Variants in RYR3 observed in about 807,000 individuals in gnomAD.
RYR3 encodes the protein brain ryanodine receptor-calcium release channel.
A neutral mutation model predicts 584.3 loss-of-function variants in RYR3; 207 were observed. The observed-to-expected ratio is 0.35, with a 90% CI of 0.32 to 0.40. The LOEUF (loss-of-function observed/expected upper bound fraction) is 0.40. RYR3 is among the 10% of genes least tolerant of loss of function. The pLI is 1.00. For synonymous variants in RYR3, 2,416 were observed against 2,248.5 expected, an observed-to-expected ratio of 1.07 and a Z score of -2.11; for missense variants, 5,616 against 6,089.2, an observed-to-expected ratio of 0.92 and a Z score of 2.59.
intron 1 of RYR3, among the ~76,000 whole-genome samples, chr15:33,403,639 A>G (rs2042829612): frequency 6.6e-6 from 1 of 152,230 alleles, no homozygotes; most frequent in Non-Finnish European, 1.5e-5. Flanking sequence ...TGTATGATTC[A>G]TTAATCTAAA....
chr15:33,785,603 G>C lies in RYR3; in HGVS notation c.9269-59G>C. 3 of 1,348,312 alleles carry C rather than the reference G, an allele frequency of 2.2e-6. No individual in the cohort carries two copies. In the South Asian group the frequency reaches 4.5e-5, roughly 20 times the overall value. The allele number at this position is 1,348,312 out of a possible 1,614,324, so 83.5% of individuals were successfully genotyped here. A position where few individuals can be genotyped will look rare whatever the true frequency, so the allele number is the denominator to read the frequency against. ...CAAAGGAAAGGAGGGGCAGAGAGAA[G>C]GAAGCTTGCACCCACTGTGCTTTTG... On this transcript the variant is annotated intron_variant, in intron 65 of 103. Transcript: ENST00000634891.
At chr15:33,530,269 G>A (rs531142296) in intron 3 of RYR3, among the ~76,000 whole-genome samples, 2 of 152,300 alleles carry the variant, frequency 1.3e-5, no homozygotes, top group African/African-American at 4.8e-5. Flanking sequence ...ACGCTTCTGA[G>A]AAGTTTCAAA....
At chr15:33,405,583 A>T (rs2042967989) in intron 1 of RYR3, among the ~76,000 whole-genome samples, 1 of 152,256 alleles carries the variant, frequency 6.6e-6, no homozygotes, top group Non-Finnish European at 1.5e-5. Context: ...ATAAAGCATC[A>T]TAGTTTAGTC....
At position 33,794,089 on chromosome 15, in the gene RYR3, TAA is replaced by T. The variant is rs1457699461; in HGVS notation, c.9830+5632_9830+5633del. On this transcript the variant is annotated intron_variant, in intron 67 of 103. Coordinates refer to ENST00000634891, the MANE Select transcript of RYR3 (RefSeq NM_001036.6). ...AAATAAATATATATAAATATATACA[TAA>T]TATATATTATATAAATATAATATAC... 2.3e-4 allele frequency among the ~76,000 whole-genome samples: 29 copies of T among 127,336 alleles called. 1 individual carries two copies. Among genetic ancestry groups the T allele is most frequent in the Non-Finnish European group, 4.0e-4 (25 of 62,664 alleles). 83.5% of individuals were successfully genotyped at this position (127,336 alleles called of 152,430 possible).
intron 1 of RYR3, among the ~76,000 whole-genome samples, chr15:33,457,826 A>AC (rs1421668101): frequency 2.0e-5 from 3 of 152,178 alleles, no homozygotes; most frequent in Non-Finnish European, 4.4e-5. Context: ...ATCACACTCT[A>AC]CCCCACAAAC....
At chr15:33,820,476 A>G (rs539175952) in intron 77 of RYR3, among the ~76,000 whole-genome samples, 9 of 152,336 alleles carry the variant, frequency 5.9e-5, no homozygotes, top group Non-Finnish European at 1.0e-4. Flanking sequence ...ACTAAGGTAG[A>G]AGAGTTCAAG....
chr15:33,613,228 G>A lies in RYR3; in HGVS notation c.2210G>A (p.Arg737Lys). 6.2e-7 allele frequency: 1 copy of A among 1,613,924 alleles called. No homozygotes were observed. Among genetic ancestry groups the A allele is most frequent in the East Asian group, 2.2e-5 (1 of 44,870 alleles). Residue 737 changes from arginine (R) to lysine (K), a missense_variant, in exon 19 of 104, where the codon AGA becomes AAA. Arg to Lys is a conservative substitution (Grantham distance 26, BLOSUM62 2). Around this residue, in one of 9 missense-constraint regions of RYR3, gnomAD observed 1,284 missense variants for 1,344.6 expected, o/e 0.95. Coordinates refer to ENST00000634891, the MANE Select transcript of RYR3 (RefSeq NM_001036.6). ...GCTTCCATCAACCAGCACCTCCTGA[G>A]ATCGGATGACGTGGTAAGCTGCTGC... is the stretch of plus-strand genomic sequence containing the variant. ...AVASINQHLL[R>K]SDDVVSCCLD...
In RYR3 at chr15:33,857,801, C is replaced by T; in HGVS notation, c.14029C>T (p.Leu4677=). 1.2e-6 allele frequency: 2 copies of T among 1,614,104 alleles called. No homozygotes were observed. Among genetic ancestry groups the T allele is most frequent in the Non-Finnish European group, 1.7e-6 (2 of 1,179,954 alleles). Reference sequence around the variant, plus strand: ...CCAGTTGGTTCTGACTGTCGGTCTCCTGGCCGTGGTGGTTTATCTCTATAC... The same window carrying T: ...CCAGTTGGTTCTGACTGTCGGTCTCTTGGCCGTGGTGGTTTATCTCTATAC... ...GKQLVLTVGL[L]AVVVYLYTVV... Residue 4677 remains leucine (L), a synonymous_variant, in exon 99 of 104, where the codon CTG becomes TTG. Coordinates refer to ENST00000634891, the MANE Select transcript of RYR3 (RefSeq NM_001036.6).
At chr15:33,689,148 C>T (rs1436315970) in intron 38 of RYR3, among the ~76,000 whole-genome samples, 1 of 143,844 alleles carries the variant, frequency 7.0e-6, no homozygotes, top group Non-Finnish European at 1.5e-5. Flanking sequence ...TCCATGTTCT[C>T]ACTCATAGGT....
At chr15:33,760,247 G>A (rs529217453) in intron 60 of RYR3, among the ~76,000 whole-genome samples, 12 of 152,260 alleles carry the variant, frequency 7.9e-5, no homozygotes, top group South Asian at 2.1e-4. Context: ...AAAATAACCC[G>A]CTAGCATCAT....
At chr15:33,313,370 A>T (rs1967630264) in intron 1 of RYR3, among the ~76,000 whole-genome samples, 1 of 152,248 alleles carries the variant, frequency 6.6e-6, no homozygotes, top group African/African-American at 2.4e-5. Flanking sequence ...ATATAGTCTT[A>T]AGAATATACC....
chr15:33,449,345 A>G (rs2046921253), intron 1 of RYR3, among the ~76,000 whole-genome samples: 2 of 152,208 alleles, frequency 1.3e-5, no homozygotes, highest in Non-Finnish European at 2.9e-5. Context: ...TGGATTCCAC[A>G]GTGATCAAGC....
At position 33,379,666 on chromosome 15, in the gene RYR3, C is replaced by CCTCTCTCTCTCT. The variant is rs72425368; in HGVS notation, c.51+68581_51+68592dup. 2.6e-4 allele frequency among the ~76,000 whole-genome samples: 34 copies of CCTCTCTCTCTCT among 129,308 alleles called. 1 individual carries two copies. Among genetic ancestry groups the CCTCTCTCTCTCT allele is most frequent in the African/African-American group, 1.0e-3 (30 of 29,786 alleles). The allele number at this position is 129,308 out of a possible 152,430, so 84.8% of individuals were successfully genotyped here. A position where few individuals can be genotyped will look rare whatever the true frequency, so the allele number is the denominator to read the frequency against. The stretch of plus-strand genomic sequence containing the variant: ...GTATGTGTGTGTGTGTGTGTGTGTC[C>CCTCTCTCTCTCT]CTCTCTCTCTCTCTCTCTCTCTATA... On this transcript the variant is annotated intron_variant, in intron 1 of 103. Coordinates refer to ENST00000634891, the MANE Select transcript of RYR3 (RefSeq NM_001036.6).
At chr15:33,743,111 C>T (rs1309396581) in intron 52 of RYR3, among the ~76,000 whole-genome samples, 1 of 152,180 alleles carries the variant, frequency 6.6e-6, no homozygotes, top group Non-Finnish European at 1.5e-5. Context: ...CAGCTGCAGC[C>T]TACGGTGTGT....
At chr15:33,319,915 A>C (rs191683737) in intron 1 of RYR3, among the ~76,000 whole-genome samples, 52 of 152,280 alleles carry the variant, frequency 3.4e-4, no homozygotes, top group African/African-American at 1.2e-3. Flanking sequence ...GTTCTCAGGT[A>C]CCTACAGATT....
At chr15:33,560,607 T>G (rs1273137325) in intron 10 of RYR3, among the ~76,000 whole-genome samples, 1 of 152,190 alleles carries the variant, frequency 6.6e-6, no homozygotes, top group African/African-American at 2.4e-5. Context: ...TGTGCATAAT[T>G]TTTAAGCACT....
chr15:33,524,965 G>A (rs1338670890), intron 3 of RYR3, among the ~76,000 whole-genome samples: 3 of 152,102 alleles, frequency 2.0e-5, no homozygotes, highest in Non-Finnish European at 4.4e-5. Flanking sequence ...TGGTACAATC[G>A]TATCTGTCTT....
Position 33,647,405 on chromosome 15 carries a change from T to C in RYR3, c.3942-19T>C, listed in dbSNP as rs201226062. Reference sequence around the variant, plus strand: ...TCAATACAGCTGAATAACTAAAACATGGATTATCTTTCCCCCAGGAAACAG... The same window carrying C: ...TCAATACAGCTGAATAACTAAAACACGGATTATCTTTCCCCCAGGAAACAG... On this transcript the variant is annotated intron_variant, in intron 29 of 103. Transcript: ENST00000634891. 6.3e-7 allele frequency: 1 copy of C among 1,599,942 alleles called. No individual in the cohort carries two copies. Among genetic ancestry groups the C allele is most frequent in the African/African-American group, 1.3e-5 (1 of 74,772 alleles).
At chr15:33,679,891 A>G (rs2064461637) in intron 38 of RYR3, among the ~76,000 whole-genome samples, 1 of 152,210 alleles carries the variant, frequency 6.6e-6, no homozygotes, top group African/African-American at 2.4e-5. Context: ...GGTTTATTAA[A>G]AGAGCATCAT....
Sources: allele counts gnomAD v4.1 joint callset (sites outside exome capture counted in the v4.1 genomes callset), GRCh38; gene constraint gnomAD v4.1.1; regional missense constraint gnomAD v4.1.1; transcripts MANE v1.5; gene names NCBI Gene and HGNC (gene_info 2026-07-23, HGNC 2026-07-21).